Variants in BICRAL observed in about 807,000 individuals in gnomAD.
BICRAL encodes BRD4-interacting chromatin-remodeling complex-associated protein-like.
A neutral mutation model predicts 91.8 loss-of-function variants in BICRAL; 8 were observed. That is an observed-to-expected ratio of 0.09 (90% confidence interval 0.05 to 0.16). BICRAL has a LOEUF of 0.16. BICRAL is among the 10% of genes least tolerant of loss of function. The probability of loss-of-function intolerance (pLI) is 1.00; values close to 1 mark genes in which losing one functional copy is unlikely to be tolerated. For missense variants in BICRAL, 1,038 were observed against 1,310.9 expected, an observed-to-expected ratio of 0.79 and a Z score of 3.21; for synonymous variants, 445 against 491.1, an observed-to-expected ratio of 0.91 and a Z score of 1.24.
intron 1 of BICRAL, among the ~76,000 whole-genome samples, chr6:42,765,769 G>T (rs1455765252): frequency 6.6e-6 from 1 of 152,114 alleles, no homozygotes; most frequent in Admixed American, 6.5e-5. Context: ...TCTACAGGCT[G>T]TCAGGGATCA....
intron 1 of BICRAL, among the ~76,000 whole-genome samples, chr6:42,787,967 T>C (rs960662712): frequency 6.6e-6 from 1 of 151,620 alleles, no homozygotes; most frequent in Admixed American, 6.6e-5. Context: ...AAATTACGGC[T>C]TACCACAGAC....
intron 1 of BICRAL, among the ~76,000 whole-genome samples, chr6:42,804,361 T>C (rs921573680): frequency 6.6e-6 from 1 of 152,188 alleles, no homozygotes; most frequent in Non-Finnish European, 1.5e-5. Context: ...ATATATGTGG[T>C]CCACTGTGTA....
Position 42,841,584 on chromosome 6 carries a change from C to G in BICRAL, c.1840-10508C>G, listed in dbSNP as rs16896105. Among the ~76,000 whole-genome samples, 1,049 of 152,152 alleles carry G rather than the reference C, an allele frequency of 6.9e-3. 5 individuals are homozygous for G. The highest frequency in any genetic ancestry group is 0.022 in the African/African-American group (922 of 41,500). ...TCAGCCTGCCTTCCTTATGTGGAAC[C>G]GTTGTATTTTCAGACGTCTGGACTT... On this transcript the variant is annotated intron_variant, in intron 6 of 12. Coordinates refer to ENST00000314073, the MANE Select transcript of BICRAL (RefSeq NM_001393499.1).
chr6:42,749,146 T>C (rs1397794544), intron 1 of BICRAL, among the ~76,000 whole-genome samples: 2 of 152,224 alleles, frequency 1.3e-5, no homozygotes, highest in African/African-American at 4.8e-5. Context: ...TATGGTTCTA[T>C]TTGTTAGATC....
chr6:42,780,373 C>T (rs1762880331), upstream of BICRAL, among the ~76,000 whole-genome samples: 1 of 152,048 alleles, frequency 6.6e-6, no homozygotes, highest in South Asian at 2.1e-4. Flanking sequence ...AATAATTTCA[C>T]TTAAATAATT....
At chr6:42,782,665 G>A (rs1762952895) in intron 1 of BICRAL, among the ~76,000 whole-genome samples, 1 of 151,516 alleles carries the variant, frequency 6.6e-6, no homozygotes, top group African/African-American at 2.4e-5. Context: ...GGGGAGGGAA[G>A]CCTTTTAATG....
chr6:42,818,811 G>A (rs892818693), intron 2 of BICRAL, among the ~76,000 whole-genome samples: 5 of 151,996 alleles, frequency 3.3e-5, no homozygotes, highest in Non-Finnish European at 5.9e-5. Context: ...TTTCCCCACC[G>A]CTTTGAAACG....
chr6:42,779,032 G>C (rs564988621), upstream of BICRAL, among the ~76,000 whole-genome samples: 4 of 151,312 alleles, frequency 2.6e-5, no homozygotes, highest in East Asian at 7.7e-4. Context: ...TCGCCATGTT[G>C]GTCAGGCTGG....
At chr6:42,857,372 C>T (rs1765402320) in intron 10 of BICRAL, 136 bp downstream of exon 10, 2 of 659,352 alleles carry the variant, frequency 3.0e-6, no homozygotes, top group East Asian at 5.4e-5. Flanking sequence ...AAACTTGTTC[C>T]CTGTTTACTC....
chr6:42,787,527 CTG>C lies in BICRAL; in HGVS notation c.-102+5431_-102+5432del, dbSNP rs1763134909. Among the ~76,000 whole-genome samples the C allele has an allele frequency of 3.3e-5, 5 of 151,738 alleles. No homozygotes were observed. The South Asian group carries it at 8.3e-4, about 25-fold the overall frequency. ...ACTCTGGTCTCCCACACAGCCAGCTCTGTGTGGGGAAAAAAAAAAGCCCTAAA... is the reference window on the plus strand; with the variant it reads ...ACTCTGGTCTCCCACACAGCCAGCTCTGTGGGGAAAAAAAAAAGCCCTAAA... On this transcript the variant is annotated intron_variant, in intron 1 of 12. Transcript: ENST00000314073.
chr6:42,832,221 G>C (rs1005204414), intron 6 of BICRAL, among the ~76,000 whole-genome samples: 1 of 151,132 alleles, frequency 6.6e-6, no homozygotes, highest in Non-Finnish European at 1.5e-5. Flanking sequence ...GGTGACACAC[G>C]CCTGTAGTCC....
intron 1 of BICRAL, among the ~76,000 whole-genome samples, chr6:42,759,590 G>A (rs1301701761): frequency 6.6e-6 from 1 of 152,180 alleles, no homozygotes; most frequent in South Asian, 2.1e-4. Context: ...GGTCTGTGGT[G>A]ATCTTGGTAC....
intron 2 of BICRAL, among the ~76,000 whole-genome samples, chr6:42,816,252 A>G (rs1170834196): frequency 6.6e-6 from 1 of 151,556 alleles, no homozygotes; most frequent in Non-Finnish European, 1.5e-5. Context: ...TGTAGCATAC[A>G]CCTGTAATCC....
chr6:42,812,257 G>A (rs1763861665), intron 2 of BICRAL, among the ~76,000 whole-genome samples: 1 of 152,058 alleles, frequency 6.6e-6, no homozygotes, highest in Admixed American at 6.6e-5. Flanking sequence ...CCAGGAGTAT[G>A]AGACCAGCCT....
chr6:42,841,181 A>AT (rs1764785447), intron 6 of BICRAL, among the ~76,000 whole-genome samples: 2 of 134,456 alleles, frequency 1.5e-5, no homozygotes, highest in Non-Finnish European at 3.1e-5. Flanking sequence ...TCACTCTTGA[A>AT]TATTTTTTTT....
At chr6:42,782,359 T>C (rs1479208267) in intron 1 of BICRAL, among the ~76,000 whole-genome samples, 1 of 64,780 alleles carries the variant, frequency 1.5e-5, no homozygotes, top group Non-Finnish European at 2.9e-5. Context: ...GGGGTGGGTT[T>C]GTGGGTGGGT....
chr6:42,783,420 G>A (rs1431351196), intron 1 of BICRAL, among the ~76,000 whole-genome samples: 1 of 152,198 alleles, frequency 6.6e-6, no homozygotes, highest in Admixed American at 6.5e-5. Context: ...CCAAATGCGG[G>A]ATATTGGGTG....
At chr6:42,854,675 G>A (rs898918292) in intron 8 of BICRAL, among the ~76,000 whole-genome samples, 7 of 151,544 alleles carry the variant, frequency 4.6e-5, no homozygotes, top group Admixed American at 3.3e-4. Flanking sequence ...GCACCACCAC[G>A]CCTGGCTAAT....
At chr6:42,757,159 G>T (rs1340444178) in intron 1 of BICRAL, among the ~76,000 whole-genome samples, 1 of 151,966 alleles carries the variant, frequency 6.6e-6, no homozygotes, top group Non-Finnish European at 1.5e-5. Context: ...TTTTTTGATG[G>T]ATGGAGCAAG....
Sources: allele counts gnomAD v4.1 joint callset (sites outside exome capture counted in the v4.1 genomes callset), GRCh38; gene constraint gnomAD v4.1.1; transcripts MANE v1.5; gene names NCBI Gene and HGNC (gene_info 2026-07-23, HGNC 2026-07-21).